The following KLHL26 variants were observed in gnomAD, a reference collection of about 807,000 sequenced individuals.
KLHL26 encodes kelch like family member 26.
KLHL26 carries 4 observed loss-of-function variants against 7.1 expected under a neutral mutation model. The ratio of observed to expected loss-of-function variants is 0.56; its 90% CI spans 0.28 to 1.28. The LOEUF is 1.28. KLHL26 is among the 50% of genes most tolerant of loss of function. KLHL26 has a pLI of 0.11. For missense variants in KLHL26, 896 were observed against 924.6 expected, an observed-to-expected ratio of 0.97 and a Z score of 0.40; for synonymous variants, 465 against 414.1, an observed-to-expected ratio of 1.12 and a Z score of -1.49.
intron 1 of KLHL26, among the ~76,000 whole-genome samples, chr19:18,663,479 C>T (rs1392211025): frequency 6.6e-6 from 1 of 152,134 alleles, no homozygotes; most frequent in East Asian, 1.9e-4. Flanking sequence ...CCGTCTCCTC[C>T]CGCTTTCTTG....
intron 1 of KLHL26, among the ~76,000 whole-genome samples, chr19:18,661,476 T>G (rs1329472106): frequency 6.6e-6 from 1 of 152,126 alleles, no homozygotes; most frequent in African/African-American, 2.4e-5. Context: ...TGTGTGGCAC[T>G]TTGAGCCCAA....
At chr19:18,663,575 G>A (rs528664959) in intron 1 of KLHL26, among the ~76,000 whole-genome samples, 17 of 152,268 alleles carry the variant, frequency 1.1e-4, no homozygotes, top group South Asian at 1.0e-3. Flanking sequence ...GAGGGCAGAG[G>A]CCACCAGGAC....
At chr19:18,637,253 C>T in intron 1 of KLHL26, 116 bp downstream of exon 1, 2 of 1,103,572 alleles carry the variant, frequency 1.8e-6, no homozygotes, top group Non-Finnish European at 2.3e-6. Flanking sequence ...GAGGGTCTTT[C>T]GCTGAGAATT....
Position 18,668,220 on chromosome 19 carries a change from G to T in KLHL26, c.823G>T (p.Val275Leu). 1 of 1,611,946 alleles carries T rather than the reference G, an allele frequency of 6.2e-7. No homozygotes were observed. The highest frequency in any genetic ancestry group is 8.5e-7 in the Non-Finnish European group (1 of 1,179,884). ...GACGCTGGACATCATGGTGGAGGAC[G>T]TGCTGTGCCGCCAGTATCTGCTGGA... ...VQTLDIMVED[V>L]LCRQYLLEAF... Residue 275 changes from valine to leucine, a missense_variant, in exon 3 of 3, where the codon GTG (valine) becomes TTG (leucine). Transcript: ENST00000300976.
At chr19:18,655,522 A>G (rs1255513217) in intron 1 of KLHL26, among the ~76,000 whole-genome samples, 1 of 152,138 alleles carries the variant, frequency 6.6e-6, no homozygotes, top group Admixed American at 6.5e-5. Context: ...TCATTTCCCC[A>G]TCTGTAAGAT....
chr19:18,644,425 A>C (rs558996820), intron 1 of KLHL26, among the ~76,000 whole-genome samples: 26 of 152,338 alleles, frequency 1.7e-4, no homozygotes, highest in African/African-American at 6.0e-4. Flanking sequence ...ATCTAGGAGC[A>C]GAATTGCTGG....
rs547209572 is a variant in KLHL26, at chr19:18,652,213, GT to G, written c.84-12047del. Among the ~76,000 whole-genome samples, 332 of 152,280 alleles carry G rather than the reference GT, an allele frequency of 2.2e-3. 1 individual carries two copies. Among genetic ancestry groups the G allele is most frequent in the African/African-American group, 7.7e-3 (319 of 41,544 alleles). ...GGAGAGTCCCACTGAGGGCTTCGCG[GT>G]GGATCCTGAAGGATCACATACACTA... On this transcript the variant is annotated intron_variant, in intron 1 of 2. Transcript: ENST00000300976.
In KLHL26 at chr19:18,668,739, C is replaced by A; in HGVS notation, c.1342C>A (p.Arg448Ser). Residue 448 changes from arginine to serine, a missense_variant, in exon 3 of 3, where the codon CGC becomes AGC. Physicochemically the swap from Arg to Ser is moderately radical, Grantham distance 110 (BLOSUM62 -1). Transcript: ENST00000300976. ...GTGGGGCTACGCCTGCTCGCTGAAG[C>A]GCCGTACCTGGGGCCATGCTGGGGC... ...NEWGYACSLK[R>S]RTWGHAGAAS... 6.3e-7 allele frequency: 1 copy of A among 1,582,896 alleles called. No homozygotes were observed. Among genetic ancestry groups the A allele is most frequent in the Non-Finnish European group, 8.5e-7 (1 of 1,171,558 alleles).
rs1370743574 is a variant in KLHL26 at position 18,650,116 on chromosome 19, C to CGAG, written c.83+12982_83+12984dup. Among the ~76,000 whole-genome samples the CGAG allele has an allele frequency of 2.6e-5, 4 of 152,160 alleles. No individual in the cohort carries two copies. Among genetic ancestry groups the CGAG allele is most frequent in the African/African-American group, 9.6e-5 (4 of 41,492 alleles). ...TGTAAAGGCCTGGAGGGGGGTCACC[C>CGAG]GAGGATCGAGGCCGAAGATGTTTAC... is the stretch of plus-strand genomic sequence containing the variant. On this transcript the variant is annotated intron_variant, in intron 1 of 2. Transcript: ENST00000300976. This position sits in a 1 kb window ranked among gnomAD's most constrained non-coding sequence, Gnocchi z 4.2.
intron 1 of KLHL26, among the ~76,000 whole-genome samples, chr19:18,640,400 C>T (rs1046127655): frequency 1.3e-5 from 2 of 151,888 alleles, no homozygotes; most frequent in Non-Finnish European, 2.9e-5. Flanking sequence ...TGCCACCACA[C>T]CCAGCTATTT....
chr19:18,637,458 C>T (rs1425376675), intron 1 of KLHL26, among the ~76,000 whole-genome samples: 2 of 151,962 alleles, frequency 1.3e-5, no homozygotes, highest in African/African-American at 4.8e-5. Context: ...GCCAAAGGGC[C>T]TGGGCAGCAG....
chr19:18,658,578 C>A (rs563854949), intron 1 of KLHL26, among the ~76,000 whole-genome samples: 45 of 141,696 alleles, frequency 3.2e-4, no homozygotes, highest in Non-Finnish European at 6.9e-4. Flanking sequence ...TCTCTGTCTC[C>A]CTCTCCGTCT....
In KLHL26 at chr19:18,656,960, CCTGGGTCTCTGTCTCCCTGTCT is replaced by C. The variant is rs957318279; in HGVS notation, c.84-7287_84-7266del. ...GTCTCTGAGTCTCTGTCCCTCTCTC[CCTGGGTCTCTGTCTCCCTGTCT>C]CTGGGTCTCTGTCCTTCTGTCTTTG... On this transcript the variant is annotated intron_variant, in intron 1 of 2. Coordinates refer to ENST00000300976, the MANE Select transcript of KLHL26 (RefSeq NM_018316.3). The surrounding 1 kb of genome is among the most constrained non-coding windows in gnomAD (Gnocchi z 4.4). 6.6e-6 allele frequency among the ~76,000 whole-genome samples: 1 copy of C among 150,556 alleles called. No homozygotes were observed. Among genetic ancestry groups the C allele is most frequent in the Non-Finnish European group, 1.5e-5 (1 of 67,466 alleles).
rs371937624 is a variant in KLHL26, at chr19:18,668,005, G to A, written c.608G>A (p.Arg203His). 19 of 1,607,034 alleles carry A rather than the reference G, an allele frequency of 1.2e-5. No homozygotes were observed. The highest frequency in any genetic ancestry group is 5.3e-5 in the African/African-American group (4 of 74,932). ...ATCGCCGAGGAGGAGGATTTCCTGC[G>A]CCTGCCACTGGAGCGCCTGGTCTTC... ...LQIAEEEDFL[R>H]LPLERLVFFL... The change falls in exon 3 of 3, where the codon CGC becomes CAC. Residue 203 changes from arginine (R) to histidine (H), a missense_variant. Arg to His is a conservative substitution (Grantham distance 29, BLOSUM62 0). Transcript: ENST00000300976.
chr19:18,641,314 GC>G (rs1422610024), intron 1 of KLHL26, among the ~76,000 whole-genome samples: 2 of 96,746 alleles, frequency 2.1e-5, no homozygotes, highest in Non-Finnish European at 4.0e-5. Flanking sequence ...AAGTTGGGTT[GC>G]CTTTTTTTTT....
At chr19:18,645,710 G>A (rs1161210347) in intron 1 of KLHL26, among the ~76,000 whole-genome samples, 2 of 151,908 alleles carry the variant, frequency 1.3e-5, no homozygotes, top group African/African-American at 4.8e-5. Flanking sequence ...AACTCTGGAG[G>A]TTGAGGCAGG....
intron 1 of KLHL26, among the ~76,000 whole-genome samples, chr19:18,640,895 G>A (rs1568453437): frequency 6.6e-6 from 1 of 152,056 alleles, no homozygotes; most frequent in Non-Finnish European, 1.5e-5. Flanking sequence ...GTACCATTTT[G>A]CATCCCCACC....
rs2052505398 is a variant in KLHL26 at position 18,669,664 on chromosome 19, A to G, written c.*419A>G. On this transcript the variant is annotated 3_prime_UTR_variant, in exon 3 of 3. Transcript: ENST00000300976. ...CAACATTGAACCCAAAGTCGGTGGT[A>G]TATGACTCACCCTCCTTCCAAGTCT... is the stretch of plus-strand genomic sequence containing the variant. 3.1e-6 allele frequency: 1 copy of G among 318,380 alleles called. No individual in the cohort carries two copies. Among genetic ancestry groups the G allele is most frequent in the East Asian group, 5.3e-5 (1 of 18,734 alleles). 19.7% of individuals were successfully genotyped at this position (318,380 alleles called of 1,614,324 possible). A position where few individuals can be genotyped will look rare whatever the true frequency, so the allele number is the denominator to read the frequency against.
chr19:18,652,599 A>C (rs987576333), intron 1 of KLHL26, among the ~76,000 whole-genome samples: 1 of 150,872 alleles, frequency 6.6e-6, no homozygotes, highest in African/African-American at 2.4e-5. Context: ...CAAAAAAAAA[A>C]AAAAAAAAAG....
Sources: allele counts gnomAD v4.1 joint callset (sites outside exome capture counted in the v4.1 genomes callset), GRCh38; gene constraint gnomAD v4.1.1; non-coding constraint Gnocchi (gnomAD v3.1); transcripts MANE v1.5; gene names NCBI Gene and HGNC (gene_info 2026-07-23, HGNC 2026-07-21).